The following CNNM4 variants were observed in gnomAD, a reference collection of about 807,000 sequenced individuals.
CNNM4 encodes cyclin and CBS domain divalent metal cation transport mediator 4.
In CNNM4, 32 loss-of-function variants were observed where a neutral mutation model predicts 53.7. The ratio of observed to expected loss-of-function variants is 0.60; its 90% CI spans 0.45 to 0.80. The LOEUF (loss-of-function observed/expected upper bound fraction) is 0.80, where lower values mean the gene tolerates loss of function less well. Ranked by LOEUF, CNNM4 falls within the 30% of genes least tolerant of loss-of-function variation. The pLI, the probability that CNNM4 is intolerant of heterozygous loss-of-function variation, is 0.00. For synonymous variants in CNNM4, 410 were observed against 440.0 expected, an observed-to-expected ratio of 0.93 and a Z score of 0.85; for missense variants, 784 against 1,022.0, an observed-to-expected ratio of 0.77 and a Z score of 3.17.
At position 96,797,365 on chromosome 2, in the gene CNNM4, T is replaced by A; in HGVS notation, c.1547-148T>A. 7.2e-7 allele frequency: 1 copy of A among 1,381,678 alleles called. No individual in the cohort carries two copies. Among genetic ancestry groups the A allele is most frequent in the Non-Finnish European group, 1.0e-6 (1 of 984,476 alleles). The allele number at this position is 1,381,678 out of a possible 1,614,324, so 85.6% of individuals were successfully genotyped here. Reference sequence around the variant, plus strand: ...TGCCTTCACCCTCGGCCTTTGTGCCTCGGCGTCAGCCCAGGACCCTGCCAG... The same window carrying A: ...TGCCTTCACCCTCGGCCTTTGTGCCACGGCGTCAGCCCAGGACCCTGCCAG... On this transcript the variant is annotated intron_variant, in intron 2 of 6. Transcript: ENST00000377075. The surrounding 1 kb of genome is among the most constrained non-coding windows in gnomAD (Gnocchi z 6.0).
chr2:96,804,664 G>T (rs991624226), intron 5 of CNNM4, among the ~76,000 whole-genome samples: 1 of 151,712 alleles, frequency 6.6e-6, no homozygotes, highest in Non-Finnish European at 1.5e-5. Flanking sequence ...GCCTCCCAAC[G>T]TGCTGGGATT....
chr2:96,776,841 C>T (rs1307958253), intron 1 of CNNM4, among the ~76,000 whole-genome samples: 1 of 145,678 alleles, frequency 6.9e-6, no homozygotes. Flanking sequence ...TCTCCAACTC[C>T]TGACCTTGTG....
At chr2:96,773,499 T>C (rs892254045) in intron 1 of CNNM4, among the ~76,000 whole-genome samples, 1 of 152,164 alleles carries the variant, frequency 6.6e-6, no homozygotes, top group Admixed American at 6.5e-5. Flanking sequence ...GGTGTCATTT[T>C]TGGAATTATA....
chr2:96,771,001 T>C (rs1429564723), intron 1 of CNNM4, among the ~76,000 whole-genome samples: 1 of 152,156 alleles, frequency 6.6e-6, no homozygotes, highest in Non-Finnish European at 1.5e-5. Flanking sequence ...GAACTGACTC[T>C]GAGATGTGTG....
At chr2:96,779,070 C>T (rs2078950795) in intron 1 of CNNM4, among the ~76,000 whole-genome samples, 1 of 152,122 alleles carries the variant, frequency 6.6e-6, no homozygotes, top group Admixed American at 6.6e-5. Flanking sequence ...CATTCTCCTG[C>T]CTCAGCCTCT....
At position 96,775,305 on chromosome 2, in the gene CNNM4, G is replaced by A. The variant is rs1041850083; in HGVS notation, c.1402+12904G>A. ...TTTCTGTTTATAAACTTTTGTAAGTGAATCATATCATATATACACACTTTT... is the reference window on the plus strand; with the variant it reads ...TTTCTGTTTATAAACTTTTGTAAGTAAATCATATCATATATACACACTTTT... On this transcript the variant is annotated intron_variant, in intron 1 of 6. Coordinates refer to ENST00000377075, the MANE Select transcript of CNNM4 (RefSeq NM_020184.4). 5.3e-5 allele frequency among the ~76,000 whole-genome samples: 8 copies of A among 152,154 alleles called. No homozygotes were observed. In the East Asian group the frequency reaches 1.5e-3, roughly 29 times the overall value.
intron 1 of CNNM4, chr2:96,788,840 C>T (rs1250052383): frequency 6.6e-6 from 1 of 152,202 alleles, no homozygotes; most frequent in African/African-American, 2.4e-5. Context: ...GTGGGAGTCC[C>T]TGGTCTGCTC....
At chr2:96,771,303 T>A (rs1218346758) in intron 1 of CNNM4, among the ~76,000 whole-genome samples, 1 of 152,138 alleles carries the variant, frequency 6.6e-6, no homozygotes, top group Non-Finnish European at 1.5e-5. Context: ...CTTTTTTTTT[T>A]TTTTTATTTT....
intron 1 of CNNM4, among the ~76,000 whole-genome samples, chr2:96,774,040 C>T (rs1329254485): frequency 6.6e-6 from 1 of 151,976 alleles, no homozygotes; most frequent in Non-Finnish European, 1.5e-5. Flanking sequence ...GGAAATTCAC[C>T]TCATTTACTT....
intron 5 of CNNM4, among the ~76,000 whole-genome samples, chr2:96,799,963 G>A (rs1427023282): frequency 6.6e-6 from 1 of 152,208 alleles, no homozygotes; most frequent in African/African-American, 2.4e-5. Flanking sequence ...GAGGCCTGTG[G>A]GGAGGAAGGC....
In CNNM4 at chr2:96,761,997, G is replaced by A; in HGVS notation, c.998G>A (p.Arg333His). ...GACTTTTTTCTGGGCCAGGAGATTC[G>A]CACTGTTTACAACCGGGAGAAGCTG... ...LLDFFLGQEIRTVYNREKLME... is the reference protein window; with the variant it reads ...LLDFFLGQEIHTVYNREKLME... Residue 333 changes from arginine (R) to histidine (H), a missense_variant, in exon 1 of 7, where the codon CGC (arginine) becomes CAC (histidine). Physicochemically the swap from Arg to His is conservative, Grantham distance 29 (BLOSUM62 0). Transcript: ENST00000377075. This position sits in a 1 kb window ranked among gnomAD's most constrained non-coding sequence, Gnocchi z 6.0. 6.2e-7 allele frequency: 1 copy of A among 1,614,098 alleles called. No homozygotes were observed. The highest frequency in any genetic ancestry group is 8.5e-7 in the Non-Finnish European group (1 of 1,180,020).
chr2:96,808,399 C>T lies in CNNM4; in HGVS notation c.1949-162C>T, dbSNP rs1157748836. On this transcript the variant is annotated intron_variant, in intron 5 of 6. Transcript: ENST00000377075. The surrounding 1 kb of genome is among the most constrained non-coding windows in gnomAD (Gnocchi z 4.9). ...ATTCATTTGCTTTAACGAAGTCAGA[C>T]CTTATGCAGTCAGACCTTCTACATG... is the stretch of plus-strand genomic sequence containing the variant. 1.3e-5 allele frequency among the ~76,000 whole-genome samples: 2 copies of T among 152,204 alleles called. No homozygotes were observed. The highest frequency in any genetic ancestry group is 2.9e-5 in the Non-Finnish European group (2 of 68,040).
At position 96,810,934 on chromosome 2, in the gene CNNM4, T is replaced by A. The variant is rs1476381878; in HGVS notation, c.*1417T>A. On this transcript the variant is annotated 3_prime_UTR_variant, in exon 7 of 7. Transcript: ENST00000377075. The surrounding 1 kb of genome is among the most constrained non-coding windows in gnomAD (Gnocchi z 4.1). ...CTGCAAAACTCCAGGCTTCCCAGGGTTGGGGAGGCTGTGGGACCAAGGTCC... is the reference window on the plus strand; with the variant it reads ...CTGCAAAACTCCAGGCTTCCCAGGGATGGGGAGGCTGTGGGACCAAGGTCC... 1 of 152,120 alleles carries A rather than the reference T, an allele frequency of 6.6e-6. No individual in the cohort carries two copies. The highest frequency in any genetic ancestry group is 1.9e-4 in the East Asian group (1 of 5,184). 9.4% of individuals were successfully genotyped at this position (152,120 alleles called of 1,614,324 possible).
chr2:96,799,487 C>T lies in CNNM4; in HGVS notation c.1852-65C>T, dbSNP rs2079138706. On this transcript the variant is annotated intron_variant, in intron 4 of 6. Transcript: ENST00000377075. ...CCACTGTCCCTTGTTCCTCACTCCC[C>T]ATCCTGCCTCATCCTTTGTTTCCTC... The T allele has an allele frequency of 2.8e-6, 4 of 1,406,466 alleles. No individual in the cohort carries two copies. In the Admixed American group the frequency reaches 7.9e-5, roughly 28 times the overall value. The allele number at this position is 1,406,466 out of a possible 1,614,324, so 87.1% of individuals were successfully genotyped here.
At chr2:96,788,892 CT>C (rs1467446369) in intron 1 of CNNM4, 1 of 152,338 alleles carries the variant, frequency 6.6e-6, no homozygotes, top group Non-Finnish European at 1.5e-5. Context: ...GCAGCTGGAG[CT>C]GGTGAGTAGG....
chr2:96,809,481 C>T lies in CNNM4; in HGVS notation c.2292C>T (p.Ser764=), dbSNP rs1224319235. The part of the protein sequence containing the change: ...ETTTLLNERN[S]LLHKASHENA... ...CAACTCTTCTCAACGAGCGTAACTC[C>T]TTGCTGCACAAAGCCTCCCACGAGA... The change falls in exon 7 of 7, where the codon TCC becomes TCT. Residue 764 remains serine (S), a synonymous_variant. Transcript: ENST00000377075. 2.5e-6 allele frequency: 4 copies of T among 1,614,118 alleles called. No individual in the cohort carries two copies. Among genetic ancestry groups the T allele is most frequent in the Non-Finnish European group, 3.4e-6 (4 of 1,180,042 alleles).
Position 96,800,600 on chromosome 2 carries a change from G to A in CNNM4, c.1948+952G>A, listed in dbSNP as rs1190466730. Among the ~76,000 whole-genome samples the A allele has an allele frequency of 6.6e-5, 10 of 152,252 alleles. No homozygotes were observed. The highest frequency in any genetic ancestry group is 2.2e-4 in the African/African-American group (9 of 41,470). On this transcript the variant is annotated intron_variant, in intron 5 of 6. Transcript: ENST00000377075. The surrounding 1 kb of genome is among the most constrained non-coding windows in gnomAD (Gnocchi z 4.6). ...AGGCTCCCTGGGCAGGGGACAGACAGGGCCCCAGAGCGGGGCTCTGAGCAG... is the reference window on the plus strand; with the variant it reads ...AGGCTCCCTGGGCAGGGGACAGACAAGGCCCCAGAGCGGGGCTCTGAGCAG...
intron 5 of CNNM4, among the ~76,000 whole-genome samples, chr2:96,806,542 C>CGT (rs2079210247): frequency 6.9e-6 from 1 of 144,524 alleles, no homozygotes; most frequent in African/African-American, 2.7e-5. Context: ...CACACGCGCG[C>CGT]GCGCGCGCGC....
rs552926191 is a variant in CNNM4 at position 96,801,467 on chromosome 2, C to G, written c.1948+1819C>G. ...AGACCACATGCAGAGAGACCGCACACACAGAGAGAGACCACACACACACAG... is the reference window on the plus strand; with the variant it reads ...AGACCACATGCAGAGAGACCGCACAGACAGAGAGAGACCACACACACACAG... On this transcript the variant is annotated intron_variant, in intron 5 of 6. Transcript: ENST00000377075. The surrounding 1 kb of genome is among the most constrained non-coding windows in gnomAD (Gnocchi z 5.6). Among the ~76,000 whole-genome samples, 15 of 151,900 alleles carry G rather than the reference C, an allele frequency of 9.9e-5. No individual in the cohort carries two copies. The South Asian group carries it at 3.1e-3, about 32-fold the overall frequency.
Sources: gnomAD v4.1 joint callset for allele counts (sites outside exome capture counted in the v4.1 genomes callset) on GRCh38, gnomAD v4.1.1 for gene constraint, Gnocchi (gnomAD v3.1) non-coding constraint, MANE v1.5 for transcripts, NCBI Gene and HGNC (gene_info 2026-07-23, HGNC 2026-07-21) for gene names.